MYO3B: variants seen among roughly 807,000 people sequenced by gnomAD.
The protein encoded by MYO3B is myosin-IIIb.
A neutral mutation model predicts 174.6 loss-of-function variants in MYO3B; 156 were observed. The observed-to-expected ratio is 0.89, with a 90% CI of 0.78 to 1.02. MYO3B has a LOEUF of 1.02. Ranked by LOEUF, MYO3B falls within the 50% of genes least tolerant of loss-of-function variation. MYO3B has a pLI of 0.00. For missense variants in MYO3B, 1,632 were observed against 1,639.4 expected, an observed-to-expected ratio of 1.00 and a Z score of 0.08; for synonymous variants, 563 against 569.1, an observed-to-expected ratio of 0.99 and a Z score of 0.15.
chr2:170,383,214 T>C, intron 11 of MYO3B, 25 bp downstream of exon 11: 1 of 1,350,778 alleles, frequency 7.4e-7, no homozygotes, highest in Non-Finnish European at 1.1e-6. Flanking sequence ...AAGAGCATAC[T>C]GCTCCTTAAT....
chr2:170,197,880 G>A (rs1224104656), intron 1 of MYO3B, among the ~76,000 whole-genome samples: 1 of 152,112 alleles, frequency 6.6e-6, no homozygotes, highest in Non-Finnish European at 1.5e-5. Flanking sequence ...CTTGAAAAAA[G>A]TATCATTTCT....
rs1239772928 is a variant in MYO3B, at chr2:170,209,837, A to T, written c.322-4542A>T. On this transcript the variant is annotated intron_variant, in intron 3 of 34. Transcript: ENST00000408978. ...CAATTTTGGAACACATATTAATATT[A>T]TTCATCAAAATATAACCTAAATAAT... Among the ~76,000 whole-genome samples the T allele has an allele frequency of 2.6e-5, 4 of 152,214 alleles. No homozygotes were observed. The East Asian group carries it at 7.7e-4, about 29-fold the overall frequency.
intron 8 of MYO3B, among the ~76,000 whole-genome samples, chr2:170,341,877 C>G (rs141976571): frequency 6.6e-5 from 10 of 152,094 alleles, no homozygotes; most frequent in African/African-American, 2.4e-4. Flanking sequence ...CTGATTTGAT[C>G]TCACTTATAC....
At chr2:170,332,653 G>A (rs1210728791) in intron 7 of MYO3B, among the ~76,000 whole-genome samples, 5 of 152,148 alleles carry the variant, frequency 3.3e-5, no homozygotes, top group Admixed American at 3.3e-4. Flanking sequence ...ATCAAATGAG[G>A]TTCTCTTAAC....
At chr2:170,397,944 G>A (rs1271233360) in intron 16 of MYO3B, among the ~76,000 whole-genome samples, 1 of 152,126 alleles carries the variant, frequency 6.6e-6, no homozygotes, top group Admixed American at 6.6e-5. Context: ...CAACTCTGCT[G>A]GGCGTGGTGG....
intron 32 of MYO3B, among the ~76,000 whole-genome samples, chr2:170,559,402 T>G (rs1691561860): frequency 6.6e-6 from 1 of 152,206 alleles, no homozygotes; most frequent in Non-Finnish European, 1.5e-5. Flanking sequence ...GTTGTTTGAT[T>G]ATTTATTCAT....
chr2:170,516,895 G>T (rs943161379), intron 29 of MYO3B, among the ~76,000 whole-genome samples: 12 of 151,918 alleles, frequency 7.9e-5, no homozygotes, highest in Non-Finnish European at 1.5e-4. Flanking sequence ...CCATGTCACT[G>T]GTCTAATTTT....
At chr2:170,543,865 T>C (rs1216003925) in intron 31 of MYO3B, 27 bp from the exon 32 acceptor site, 1 of 1,585,552 alleles carries the variant, frequency 6.3e-7, no homozygotes, top group Non-Finnish European at 8.7e-7. Flanking sequence ...ATAAGAATAA[T>C]ATTTCTCTTA....
chr2:170,504,684 C>CTTG (rs1687507282), intron 28 of MYO3B, among the ~76,000 whole-genome samples: 1 of 152,174 alleles, frequency 6.6e-6, no homozygotes, highest in South Asian at 2.1e-4. Flanking sequence ...ACTCTGTGTC[C>CTTG]TTGTTATCGG....
intron 21 of MYO3B, 52 bp from the exon 22 acceptor site, chr2:170,407,663 C>A: frequency 6.2e-7 from 1 of 1,607,272 alleles, no homozygotes; most frequent in South Asian, 1.1e-5. Context: ...CCAGTGTCAC[C>A]AATGACGGAC....
rs772069897 is a variant in MYO3B at position 170,404,246 on chromosome 2, G to A, written c.2278-1G>A. ...GAGAATCACAATCCATTTCCCTCCA[G>A]ATGGAATATCAGAATGAAGGCATTG... is the stretch of plus-strand genomic sequence containing the variant. On this transcript the variant is annotated splice_acceptor_variant, in intron 19 of 34. Coordinates refer to ENST00000408978, the MANE Select transcript of MYO3B (RefSeq NM_138995.5). LOFTEE classifies it high-confidence loss of function. 1 of 1,600,560 alleles carries A rather than the reference G, an allele frequency of 6.2e-7. No individual in the cohort carries two copies. The highest frequency in any genetic ancestry group is 8.5e-7 in the Non-Finnish European group (1 of 1,174,316).
chr2:170,317,343 G>A (rs576128123), intron 7 of MYO3B, among the ~76,000 whole-genome samples: 119 of 152,300 alleles, frequency 7.8e-4, no homozygotes, highest in African/African-American at 2.7e-3. Flanking sequence ...GTTGCCTAGC[G>A]AACTTGTTAA....
chr2:170,352,342 A>G (rs748611548), intron 8 of MYO3B, among the ~76,000 whole-genome samples: 3 of 152,262 alleles, frequency 2.0e-5, no homozygotes, highest in Non-Finnish European at 4.4e-5. Flanking sequence ...ATTTGTAGTT[A>G]AGCAAATATG....
chr2:170,521,991 A>G (rs1157738241), intron 30 of MYO3B, among the ~76,000 whole-genome samples: 1 of 152,164 alleles, frequency 6.6e-6, no homozygotes, highest in Non-Finnish European at 1.5e-5. Flanking sequence ...GCCCTCTTCC[A>G]AGGGTATCTG....
chr2:170,637,604 T>G (rs1389108031), intron 32 of MYO3B, among the ~76,000 whole-genome samples: 2 of 114,130 alleles, frequency 1.8e-5, no homozygotes, highest in Non-Finnish European at 4.3e-5. Flanking sequence ...TGAGAAGTCA[T>G]CATTTTATGC....
intron 25 of MYO3B, among the ~76,000 whole-genome samples, chr2:170,469,824 C>T (rs1187047199): frequency 3.3e-5 from 5 of 151,950 alleles, no homozygotes; most frequent in East Asian, 1.9e-4. Flanking sequence ...ACAATTCAGC[C>T]GGGCACGGTG....
At position 170,389,784 on chromosome 2, in the gene MYO3B, G is replaced by A. The variant is rs141785834; in HGVS notation, c.1578-1736G>A. On this transcript the variant is annotated intron_variant, in intron 14 of 34. Transcript: ENST00000408978. ...TAGAAATCTAGGAGGCAGACTCTAG[G>A]TTTCTTTCCGTCACCATCCTCATTC... Among the ~76,000 whole-genome samples, 554 of 152,144 alleles carry A rather than the reference G, an allele frequency of 3.6e-3. 4 individuals carry two copies. Among genetic ancestry groups the A allele is most frequent in the African/African-American group, 0.013 (521 of 41,508 alleles).
intron 18 of MYO3B, 105 bp downstream of exon 18, chr2:170,401,796 C>CTTTTTTT (rs1268110549): frequency 7.6e-6 from 6 of 794,360 alleles, no homozygotes; most frequent in African/African-American, 7.5e-5. Flanking sequence ...GATTTTCTTT[C>CTTTTTTT]TTTTTCTTTT....
intron 23 of MYO3B, among the ~76,000 whole-genome samples, chr2:170,458,646 A>T (rs968774974): frequency 9.9e-5 from 15 of 152,232 alleles, no homozygotes; most frequent in Middle Eastern, 3.2e-3. Context: ...CTTAGGCTAC[A>T]CAACAGCCTT....
Sources: allele counts gnomAD v4.1 joint callset (sites outside exome capture counted in the v4.1 genomes callset), GRCh38; gene constraint gnomAD v4.1.1; transcripts MANE v1.5; gene names NCBI Gene and HGNC (gene_info 2026-07-23, HGNC 2026-07-21).